HTRA4: variants seen among roughly 807,000 people sequenced by gnomAD.
HTRA4 encodes serine protease HTRA4.
HTRA4 carries 46 observed loss-of-function variants against 49.1 expected under a neutral mutation model. That is an observed-to-expected ratio of 0.94 (90% confidence interval 0.74 to 1.20). The LOEUF (loss-of-function observed/expected upper bound fraction) is 1.20, where lower values mean the gene tolerates loss of function less well. HTRA4 is among the 50% of genes most tolerant of loss of function. HTRA4 has a pLI of 0.00. For missense variants in HTRA4, 602 were observed against 636.9 expected (o/e 0.95, Z 0.59); for synonymous variants, 261 against 264.0 (o/e 0.99, Z 0.11).
Position 38,974,680 on chromosome 8 carries a change from G to T in HTRA4, c.417G>T (p.Leu139=). The T allele has an allele frequency of 7.1e-7, 1 of 1,404,588 alleles. No homozygotes were observed. The highest frequency in any genetic ancestry group is 1.6e-5 in the South Asian group (1 of 61,680). The allele number at this position is 1,404,588 out of a possible 1,614,324, so 87.0% of individuals were successfully genotyped here. Reference sequence around the variant, plus strand: ...CCGAAAACCGCGCCGCGCGCCGCCTGGGCAAGGTCCCGGCCGTGCCTGTGC... The same window carrying T: ...CCGAAAACCGCGCCGCGCGCCGCCTTGGCAAGGTCCCGGCCGTGCCTGTGC... ...LRAENRAARR[L]GKVPAVPVQW... is the part of the protein sequence containing the mutation. Residue 139 remains leucine (L), a synonymous_variant, in exon 1 of 9, where the codon CTG becomes CTT. Transcript: ENST00000302495.
At chr8:38,976,272 C>T (rs967066249) in intron 2 of HTRA4, among the ~76,000 whole-genome samples, 54 of 152,116 alleles carry the variant, frequency 3.5e-4, no homozygotes, top group African/African-American at 1.2e-3. Context: ...ATTAGCCAGG[C>T]GTGGTGGTGC....
At chr8:38,985,813 A>C (rs1835476915) in intron 8 of HTRA4, among the ~76,000 whole-genome samples, 1 of 152,220 alleles carries the variant, frequency 6.6e-6, no homozygotes, top group Non-Finnish European at 1.5e-5. Flanking sequence ...CCTTTGATCC[A>C]CTGAATCGGA....
At chr8:38,981,078 T>TTTTGG (rs1564179030) in intron 5 of HTRA4, among the ~76,000 whole-genome samples, 1 of 104,406 alleles carries the variant, frequency 9.6e-6, no homozygotes. Flanking sequence ...TTTTTTTTTT[T>TTTTGG]TTTTTTTTTT....
Position 38,974,925 on chromosome 8 carries a change from C to T in HTRA4, c.467-106C>T. 4.3e-6 allele frequency: 6 copies of T among 1,382,512 alleles called. No individual in the cohort carries two copies. In the South Asian group the frequency reaches 4.9e-5, roughly 11 times the overall value. 85.6% of individuals were successfully genotyped at this position (1,382,512 alleles called of 1,614,324 possible). A position where few individuals can be genotyped will look rare whatever the true frequency, so the allele number is the denominator to read the frequency against. On this transcript the variant is annotated intron_variant, in intron 1 of 8. Transcript: ENST00000302495. ...TTACCGGCTGCTACGTGGTTTCTCC[C>T]TCCCCATGCACCTTTTGAACACTGT...
At chr8:38,983,279 G>C (rs10091297) in intron 8 of HTRA4, among the ~76,000 whole-genome samples, 61,429 of 152,214 alleles carry the variant, frequency 0.4, 13,055 homozygotes, top group East Asian at 0.75. Context: ...GCTCATGCCT[G>C]TAATCCCAGC....
At chr8:38,984,157 C>T (rs1012914904) in intron 8 of HTRA4, among the ~76,000 whole-genome samples, 8 of 151,976 alleles carry the variant, frequency 5.3e-5, no homozygotes, top group East Asian at 2.0e-4. Flanking sequence ...CCCGCCACCA[C>T]GCTTGGTTAA....
At chr8:38,983,417 T>C (rs373604611) in intron 8 of HTRA4, among the ~76,000 whole-genome samples, 3 of 151,952 alleles carry the variant, frequency 2.0e-5, no homozygotes, top group Non-Finnish European at 2.9e-5. Context: ...TTGCAGTTAC[T>C]TGGGAGGCTG....
In HTRA4 at chr8:38,978,147, T is replaced by C. The variant is rs4733961; in HGVS notation, c.966T>C (p.Asn322=). 1,253,445 of 1,611,246 alleles carry C rather than the reference T, an allele frequency of 0.78. 489,535 individuals carry two copies. The highest frequency in any genetic ancestry group is 0.95 in the East Asian group (42,425 of 44,850). The change falls in exon 4 of 9, where the codon AAT becomes AAC. Residue 322 remains asparagine, a splice_region_variant and synonymous_variant. Coordinates refer to ENST00000302495, the MANE Select transcript of HTRA4 (RefSeq NM_153692.4). The part of the protein sequence containing the change: ...MDYVQIDATI[N]YGNSGGPLVN... ...ACGTCCAGATTGATGCCACAATTAA[T>C]GTAAGTCACTTAGGACAGAGGTGCC...
intron 2 of HTRA4, 91 bp downstream of exon 2, chr8:38,975,221 C>T (rs1458353841): frequency 1.3e-5 from 17 of 1,309,144 alleles, no homozygotes; most frequent in Non-Finnish European, 1.7e-5. Flanking sequence ...TCATTTAATC[C>T]TAAAAAACCA....
intron 8 of HTRA4, among the ~76,000 whole-genome samples, chr8:38,984,003 TA>T (rs60805143): frequency 0.41 from 61,590 of 151,180 alleles, 13,089 homozygotes; most frequent in East Asian, 0.74. Context: ...TATTCATTAA[TA>T]GTTTTTTTTT....
Position 38,988,042 on chromosome 8 carries a change from G to C in HTRA4, c.1375G>C (p.Val459Leu). Reference sequence around the variant, plus strand: ...TGACAGTGATTCCCTTTCCATGGCTGTTCTTCGGGGAAAAGATAATTTGCT... The same window carrying C: ...TGACAGTGATTCCCTTTCCATGGCTCTTCTTCGGGGAAAAGATAATTTGCT... ...ALDSDSLSMAVLRGKDNLLLT... is the reference protein window; with the variant it reads ...ALDSDSLSMALLRGKDNLLLT... The change falls in exon 9 of 9, where the codon GTT becomes CTT. Residue 459 changes from valine to leucine, a missense_variant. Transcript: ENST00000302495. The C allele has an allele frequency of 1.2e-6, 2 of 1,611,328 alleles. No homozygotes were observed. The highest frequency in any genetic ancestry group is 8.5e-7 in the Non-Finnish European group (1 of 1,179,208).
chr8:38,979,342 C>G, intron 5 of HTRA4, 95 bp downstream of exon 5: 1 of 1,146,498 alleles, frequency 8.7e-7, no homozygotes, highest in South Asian at 1.2e-5. Context: ...TGCCTGTAAT[C>G]CCAGCACATT....
rs1333749956 is a variant in HTRA4 at position 38,974,249 on chromosome 8, C to A, written c.-15C>A. 6.2e-7 allele frequency: 1 copy of A among 1,611,598 alleles called. No individual in the cohort carries two copies. The highest frequency in any genetic ancestry group is 1.1e-5 in the South Asian group (1 of 90,704). On this transcript the variant is annotated 5_prime_UTR_variant, in exon 1 of 9. Coordinates refer to ENST00000302495, the MANE Select transcript of HTRA4 (RefSeq NM_153692.4). The stretch of plus-strand genomic sequence containing the variant: ...GAGTAAAGTCACTGAAGAGTGGAAG[C>A]GAGGAAGGAACAGGATGATTAGACC...
At chr8:38,984,126 G>A (rs931121626) in intron 8 of HTRA4, among the ~76,000 whole-genome samples, 10 of 151,774 alleles carry the variant, frequency 6.6e-5, no homozygotes. Flanking sequence ...TCAGCCTCCC[G>A]AGTAGCTGGG....
rs2129426824 is a variant in HTRA4, at chr8:38,975,082, T to A, written c.518T>A (p.Val173Glu). The A allele has an allele frequency of 6.2e-7, 1 of 1,613,838 alleles. No individual in the cohort carries two copies. The highest frequency in any genetic ancestry group is 2.2e-5 in the East Asian group (1 of 44,864). Residue 173 changes from valine (V) to glutamate (E), a missense_variant, in exon 2 of 9, where the codon GTG becomes GAG. Transcript: ENST00000302495. ...AGGAATTACAACTTCATCGCCGCGG[T>A]GGTGGAGAAGGTGGCGCCATCGGTG... ...LRRNYNFIAA[V>E]VEKVAPSVVH...
At chr8:38,980,610 C>T (rs557593273) in intron 5 of HTRA4, among the ~76,000 whole-genome samples, 6 of 151,614 alleles carry the variant, frequency 4.0e-5, no homozygotes, top group East Asian at 1.9e-4. Flanking sequence ...TGGTGGCATG[C>T]GCCTGTAATC....
intron 8 of HTRA4, among the ~76,000 whole-genome samples, chr8:38,985,158 C>CTTT (rs1835469189): frequency 4.5e-5 from 6 of 132,288 alleles, no homozygotes; most frequent in Admixed American, 1.7e-4. Flanking sequence ...TTCTGTTGTA[C>CTTT]TTCTTTTTTT....
intron 8 of HTRA4, among the ~76,000 whole-genome samples, chr8:38,986,188 C>G (rs1564182889): frequency 6.6e-6 from 1 of 152,168 alleles, no homozygotes; most frequent in Non-Finnish European, 1.5e-5. Context: ...CTGGCTTTCA[C>G]TGACTTATAC....
chr8:38,977,891 T>A (rs1835371739), intron 3 of HTRA4, 62 bp from the exon 4 acceptor site: 2 of 1,564,954 alleles, frequency 1.3e-6, no homozygotes, highest in African/African-American at 2.7e-5. Flanking sequence ...CTTTGGTCAA[T>A]TCTGATCGTG....
Sources: allele counts gnomAD v4.1 joint callset (sites outside exome capture counted in the v4.1 genomes callset), GRCh38; gene constraint gnomAD v4.1.1; transcripts MANE v1.5; gene names NCBI Gene and HGNC (gene_info 2026-07-23, HGNC 2026-07-21).